The following CEP112 variants were observed in gnomAD, a reference collection of about 807,000 sequenced individuals.
The protein encoded by CEP112 is centrosomal protein 112, also known as centrosomal protein of 112 kDa.
CEP112 carries 127 observed loss-of-function variants against 153.0 expected under a neutral mutation model. That is an observed-to-expected ratio of 0.83 (90% CI 0.72 to 0.96). CEP112 has a LOEUF of 0.96. Among genes scored for constraint, CEP112 ranks in the 40% least tolerant of loss-of-function variants. The pLI is 0.00. For synonymous variants in CEP112, 358 were observed against 374.4 expected (o/e 0.96, Z 0.51); for missense variants, 1,089 against 1,101.2 (o/e 0.99, Z 0.16).
intron 20 of CEP112, among the ~76,000 whole-genome samples, chr17:65,862,374 G>A (rs1266649381): frequency 6.6e-6 from 1 of 152,130 alleles, no homozygotes; most frequent in Non-Finnish European, 1.5e-5. Flanking sequence ...GGATCACGAG[G>A]TCAGGAGATC....
chr17:65,734,877 T>A (rs2050710892), intron 23 of CEP112, among the ~76,000 whole-genome samples: 1 of 152,232 alleles, frequency 6.6e-6, no homozygotes, highest in Non-Finnish European at 1.5e-5. Flanking sequence ...ACTCTATCAG[T>A]GAGCTTTTCA....
chr17:65,703,958 C>T lies in CEP112; in HGVS notation c.2608-14740G>A, dbSNP rs977205940. 5.3e-5 allele frequency among the ~76,000 whole-genome samples: 8 copies of T among 152,008 alleles called. No individual in the cohort carries two copies. In the South Asian group the frequency reaches 6.3e-4, roughly 12 times the overall value. ...AGTTGAATTATATCCTCCAGAGAGA[C>T]ATGTTGAAGTCCTAATCCCCAGTAC... On this transcript the variant is annotated intron_variant, in intron 23 of 26. Coordinates refer to ENST00000535342, the MANE Select transcript of CEP112 (RefSeq NM_001199165.4).
intron 21 of CEP112, among the ~76,000 whole-genome samples, chr17:65,775,360 G>A (rs933759402): frequency 6.6e-6 from 1 of 152,134 alleles, no homozygotes; most frequent in African/African-American, 2.4e-5. Context: ...GCCTCTGCAC[G>A]CAGGGGAAGG....
chr17:65,764,062 C>T (rs1281544342), intron 21 of CEP112, among the ~76,000 whole-genome samples: 1 of 152,010 alleles, frequency 6.6e-6, no homozygotes, highest in African/African-American at 2.4e-5. Flanking sequence ...TCTCCCCCTC[C>T]TAGCTCAACC....
chr17:65,868,935 A>T (rs2058565848), intron 20 of CEP112, among the ~76,000 whole-genome samples: 1 of 152,210 alleles, frequency 6.6e-6, no homozygotes, highest in African/African-American at 2.4e-5. Context: ...CATTTCTTAT[A>T]GTATTTTTAT....
rs1416917918 is a variant in CEP112 at position 66,100,784 on chromosome 17, C to T, written c.643-4152G>A. Among the ~76,000 whole-genome samples, 3 of 152,040 alleles carry T rather than the reference C, an allele frequency of 2.0e-5. No individual in the cohort carries two copies. In the East Asian group the frequency reaches 5.8e-4, roughly 29 times the overall value. On this transcript the variant is annotated intron_variant, in intron 6 of 26. Coordinates refer to ENST00000535342, the MANE Select transcript of CEP112 (RefSeq NM_001199165.4). ...TGGCTTCTACATCTACATATTCAACCAACCAAACTGAAAATATTCAAAGTA... is the reference window on the plus strand; with the variant it reads ...TGGCTTCTACATCTACATATTCAACTAACCAAACTGAAAATATTCAAAGTA...
At chr17:66,188,774 C>A (rs1468066742) in intron 1 of CEP112, among the ~76,000 whole-genome samples, 1 of 151,966 alleles carries the variant, frequency 6.6e-6, no homozygotes, top group Non-Finnish European at 1.5e-5. Context: ...CAGTTATGCA[C>A]GTGGTAACAG....
intron 24 of CEP112, among the ~76,000 whole-genome samples, chr17:65,671,138 G>A (rs570664862): frequency 2.0e-5 from 3 of 152,218 alleles, no homozygotes; most frequent in African/African-American, 7.2e-5. Flanking sequence ...ATAGTACGCA[G>A]CTGGTGGAAA....
At chr17:65,762,909 T>C (rs1427113127) in intron 21 of CEP112, among the ~76,000 whole-genome samples, 2 of 152,110 alleles carry the variant, frequency 1.3e-5, no homozygotes, top group Non-Finnish European at 2.9e-5. Context: ...CATTCTCTGA[T>C]GCTCTATGTA....
chr17:65,671,896 G>A (rs1423307011), intron 24 of CEP112, among the ~76,000 whole-genome samples: 1 of 152,096 alleles, frequency 6.6e-6, no homozygotes, highest in Non-Finnish European at 1.5e-5. Context: ...AAAAAACAAG[G>A]ACACATACTA....
intron 18 of CEP112, among the ~76,000 whole-genome samples, chr17:65,945,130 A>T (rs1377864532): frequency 6.6e-6 from 1 of 150,792 alleles, no homozygotes; most frequent in Non-Finnish European, 1.5e-5. Flanking sequence ...GATTCATATA[A>T]TAAAAACTGT....
intron 6 of CEP112, among the ~76,000 whole-genome samples, chr17:66,119,838 G>A (rs1340203574): frequency 6.6e-6 from 1 of 152,108 alleles, no homozygotes; most frequent in East Asian, 1.9e-4. Flanking sequence ...GTAATATTTT[G>A]CAGCAAGAGG....
intron 12 of CEP112, among the ~76,000 whole-genome samples, chr17:66,031,722 A>G (rs2065494793): frequency 6.6e-6 from 1 of 152,116 alleles, no homozygotes; most frequent in Non-Finnish European, 1.5e-5. Context: ...TCAGCCTCCC[A>G]AAGTGCTAGG....
At chr17:65,999,562 C>T (rs1003117506) in intron 17 of CEP112, among the ~76,000 whole-genome samples, 3 of 108,004 alleles carry the variant, frequency 2.8e-5, no homozygotes, top group African/African-American at 1.1e-4. Flanking sequence ...ATCCTGAAAG[C>T]ATTTTTTTTT....
chr17:65,726,762 C>T (rs1240920757), intron 23 of CEP112, among the ~76,000 whole-genome samples: 5 of 152,182 alleles, frequency 3.3e-5, no homozygotes, highest in Admixed American at 6.5e-5. Flanking sequence ...CAAATAATCA[C>T]TATTACCCAT....
chr17:65,868,532 A>G (rs1387293339), intron 20 of CEP112, among the ~76,000 whole-genome samples: 1 of 152,128 alleles, frequency 6.6e-6, no homozygotes, highest in African/African-American at 2.4e-5. Context: ...CATTGAAAGA[A>G]ATATGCATTT....
chr17:65,862,740 C>T lies in CEP112; in HGVS notation c.2164-10706G>A, dbSNP rs749202492. Among the ~76,000 whole-genome samples the T allele has an allele frequency of 7.2e-5, 11 of 152,098 alleles. No homozygotes were observed. In the East Asian group the frequency reaches 1.5e-3, roughly 21 times the overall value. ...AAAAATTTTAAAAAGATGACACAGA[C>T]GTTTTAAGCCCAGCTGACAAGAAGA... is the stretch of plus-strand genomic sequence containing the variant. On this transcript the variant is annotated intron_variant, in intron 20 of 26. Transcript: ENST00000535342.
intron 8 of CEP112, among the ~76,000 whole-genome samples, chr17:66,088,562 T>C (rs1383597720): frequency 6.6e-6 from 1 of 151,802 alleles, no homozygotes; most frequent in African/African-American, 2.4e-5. Flanking sequence ...TAACGCAGGA[T>C]TCAGAGCCAG....
chr17:65,801,588 C>T (rs2055280917), intron 21 of CEP112, among the ~76,000 whole-genome samples: 1 of 152,084 alleles, frequency 6.6e-6, no homozygotes. Context: ...GACAAATTAT[C>T]TCGGTTTGTG....
Sources: gnomAD v4.1 joint callset for allele counts (sites outside exome capture counted in the v4.1 genomes callset) on GRCh38, gnomAD v4.1.1 for gene constraint, MANE v1.5 for transcripts, NCBI Gene and HGNC (gene_info 2026-07-23, HGNC 2026-07-21) for gene names.